Variants in FBF1 observed in about 807,000 individuals in gnomAD.
FBF1 encodes fas-binding factor 1.
A neutral mutation model predicts 147.2 loss-of-function variants in FBF1; 119 were observed. The observed-to-expected ratio is 0.81, with a 90% CI of 0.70 to 0.94. The LOEUF (loss-of-function observed/expected upper bound fraction) is 0.94. FBF1 is among the 40% of genes least tolerant of loss of function. The pLI is 0.00. For synonymous variants in FBF1, 601 were observed against 609.0 expected (o/e 0.99, Z 0.19); for missense variants, 1,449 against 1,500.8 (o/e 0.97, Z 0.57).
chr17:75,924,385 G>T (rs927098043), intron 13 of FBF1, among the ~76,000 whole-genome samples: 1 of 152,196 alleles, frequency 6.6e-6, no homozygotes, highest in Non-Finnish European at 1.5e-5. Flanking sequence ...TATTCAGATA[G>T]AAAGAGGATG....
intron 28 of FBF1, 134 bp downstream of exon 28, chr17:75,913,568 G>A (rs1196381027): frequency 3.4e-6 from 2 of 590,100 alleles, no homozygotes; most frequent in African/African-American, 3.8e-5. Context: ...CATTATTTGT[G>A]TAAAAAAGAA....
At chr17:75,915,238 C>T in intron 23 of FBF1, 99 bp from the exon 24 acceptor site, 1 of 1,453,794 alleles carries the variant, frequency 6.9e-7, no homozygotes, top group East Asian at 2.5e-5. Flanking sequence ...GTGTCTCCCA[C>T]ACTATGCCAC....
In FBF1 at chr17:75,923,563, G is replaced by T; in HGVS notation, c.1047C>A (p.Pro349=). 1 of 1,609,834 alleles carries T rather than the reference G, an allele frequency of 6.2e-7. No homozygotes were observed. Among genetic ancestry groups the T allele is most frequent in the African/African-American group, 1.3e-5 (1 of 75,012 alleles). The change falls in exon 14 of 30, where the codon CCC becomes CCA. Residue 349 remains proline (P), a synonymous_variant. Transcript: ENST00000636174. This position sits in a 1 kb window ranked among gnomAD's most constrained non-coding sequence, Gnocchi z 4.1. ...SKQSPPMASS[P]IQPRKGGADW... ...CAGCTCCTCCCTTCCTGGGCTGGAT[G>T]GGGCTGGAAGCCATTGGAGGGCTCT... is the stretch of plus-strand genomic sequence containing the variant.
chr17:75,909,740 A>G lies in FBF1; in HGVS notation c.*983T>C. 1 of 605,316 alleles carries G rather than the reference A, an allele frequency of 1.7e-6. No homozygotes were observed. Among genetic ancestry groups the G allele is most frequent in the Non-Finnish European group, 3.0e-6 (1 of 336,260 alleles). 37.5% of individuals were successfully genotyped at this position (605,316 alleles called of 1,614,324 possible). A position where few individuals can be genotyped will look rare whatever the true frequency, so the allele number is the denominator to read the frequency against. On this transcript the variant is annotated 3_prime_UTR_variant, in exon 30 of 30. Coordinates refer to ENST00000636174, the MANE Select transcript of FBF1 (RefSeq NM_001319193.2). ...TGGCCAGAGGCGCCTGGTCCTGACC[A>G]ATCTTATAGGCTGATCTTTTAATAA...
At chr17:75,926,567 T>G in intron 10 of FBF1, 141 bp from the exon 11 acceptor site, 1 of 1,370,902 alleles carries the variant, frequency 7.3e-7, no homozygotes, top group South Asian at 1.5e-5. Flanking sequence ...CGGGACCCAA[T>G]TCCTCCAGCC....
intron 1 of FBF1, among the ~76,000 whole-genome samples, 181 bp from the exon 2 acceptor site, chr17:75,938,413 G>C (rs1232924627): frequency 6.6e-6 from 1 of 151,762 alleles, no homozygotes; most frequent in African/African-American, 2.4e-5. Flanking sequence ...ACAAAAATTA[G>C]CTGGGTGTGG....
intron 3 of FBF1, 108 bp from the exon 4 acceptor site, chr17:75,935,781 G>C: frequency 9.7e-7 from 1 of 1,032,592 alleles, no homozygotes; most frequent in Non-Finnish European, 1.4e-6. Flanking sequence ...CAGATGTTGG[G>C]ACTTAGGCTT....
chr17:75,916,463 A>T (rs968771984), intron 23 of FBF1, among the ~76,000 whole-genome samples: 13 of 152,180 alleles, frequency 8.5e-5, no homozygotes, highest in African/African-American at 2.4e-4. Context: ...TCAGTAAAAA[A>T]TACACAATTA....
rs1343749934 is a variant in FBF1 at position 75,919,420 on chromosome 17, G to A, written c.2138+248C>T. ...TTAGTTAGACCCTAGGCGGCTTGCT[G>A]CTGCCATGCCATGCCTGAACAGCCT... On this transcript the variant is annotated intron_variant, in intron 20 of 29. Coordinates refer to ENST00000636174, the MANE Select transcript of FBF1 (RefSeq NM_001319193.2). The surrounding 1 kb of genome is among the most constrained non-coding windows in gnomAD (Gnocchi z 5.0). 5.9e-5 allele frequency among the ~76,000 whole-genome samples: 9 copies of A among 152,314 alleles called. No individual in the cohort carries two copies. The highest frequency in any genetic ancestry group is 1.9e-4 in the African/African-American group (8 of 41,578).
At chr17:75,929,416 A>T (rs921056274) in intron 7 of FBF1, among the ~76,000 whole-genome samples, 1 of 152,124 alleles carries the variant, frequency 6.6e-6, no homozygotes, top group African/African-American at 2.4e-5. Flanking sequence ...TGTCCTAGGG[A>T]CTGTGGCAAA....
rs758540217 is a variant in FBF1, at chr17:75,912,251, C to G, written c.3304G>C (p.Asp1102His). 6.2e-7 allele frequency: 1 copy of G among 1,611,052 alleles called. No homozygotes were observed. The highest frequency in any genetic ancestry group is 2.2e-5 in the East Asian group (1 of 44,806). The change falls in exon 29 of 30, where the codon GAC (aspartate) becomes CAC (histidine). Residue 1102 changes from aspartate (D) to histidine (H), a missense_variant. Transcript: ENST00000636174. The stretch of plus-strand genomic sequence containing the variant: ...GCATGGAGGTGCAAGGGGCTGGGGT[C>G]CAGGCCAGTTGGCGGCTGGCTGCAC... ...RWCSQPPTGL[D>H]PSPLHLHARL...
At position 75,925,394 on chromosome 17, in the gene FBF1, G is replaced by A; in HGVS notation, c.921C>T (p.Pro307=). 1 of 1,613,646 alleles carries A rather than the reference G, an allele frequency of 6.2e-7. No individual in the cohort carries two copies. Among genetic ancestry groups the A allele is most frequent in the Non-Finnish European group, 8.5e-7 (1 of 1,179,830 alleles). ...DEDFTFGAYQ[P]TVVSSEGRQS... is the part of the protein sequence containing the mutation. ...GCCGGCCCTCAGAGGAGACCACAGT[G>A]GGCTGATAGGCTCCAAAGGTGAAGT... The change falls in exon 13 of 30, where the codon CCC becomes CCT. Residue 307 remains proline, a synonymous_variant. Coordinates refer to ENST00000636174, the MANE Select transcript of FBF1 (RefSeq NM_001319193.2). The surrounding 1 kb of genome is among the most constrained non-coding windows in gnomAD (Gnocchi z 5.0).
Position 75,915,129 on chromosome 17 carries a change from C to A in FBF1, c.2516G>T (p.Arg839Leu), listed in dbSNP as rs754215900. Residue 839 changes from arginine (R) to leucine (L), a missense_variant, in exon 24 of 30, where the codon CGG (arginine) becomes CTG (leucine). Arg to Leu is a moderately radical substitution (Grantham distance 102). Coordinates refer to ENST00000636174, the MANE Select transcript of FBF1 (RefSeq NM_001319193.2). ...QSRLLEQERW[R>L]VTAEQSKAES... ...CGCCTTGGACTGCTCGGCAGTCACC[C>A]GCCAGCGTTCCTGTAGGGCCCAGGG... is the stretch of plus-strand genomic sequence containing the variant. 6.2e-7 allele frequency: 1 copy of A among 1,609,794 alleles called. No individual in the cohort carries two copies. Among genetic ancestry groups the A allele is most frequent in the East Asian group, 2.2e-5 (1 of 44,848 alleles).
At chr17:75,940,798 A>C (rs2065659207) in intron 1 of FBF1, 50 bp downstream of exon 1, 1 of 153,780 alleles carries the variant, frequency 6.5e-6, no homozygotes, top group African/African-American at 2.4e-5. Context: ...CAAGACCCCT[A>C]GCCGGAGTCG....
At position 75,914,931 on chromosome 17, in the gene FBF1, C is replaced by CTCTGGGAT. The variant is rs1567857749; in HGVS notation, c.2629-7_2629dup (p.Ser877AsnfsTer37). 2 of 1,611,586 alleles carry CTCTGGGAT rather than the reference C, an allele frequency of 1.2e-6. No homozygotes were observed. Among genetic ancestry groups the CTCTGGGAT allele is most frequent in the Non-Finnish European group, 1.7e-6 (2 of 1,178,842 alleles). On this transcript the variant is annotated frameshift_variant and splice_region_variant, in exon 25 of 30. Coordinates refer to ENST00000636174, the MANE Select transcript of FBF1 (RefSeq NM_001319193.2). LOFTEE classifies it high-confidence loss of function. Reference sequence around the variant, plus strand: ...AGACTTCTGCTCCTCCAGCAAGGCGCTCTGGGATGTGGGGGTGAAGGCACG... The same window carrying CTCTGGGAT: ...AGACTTCTGCTCCTCCAGCAAGGCGCTCTGGGATTCTGGGATGTGGGGGTGAAGGCACG...
Position 75,915,016 on chromosome 17 carries a change from C to G in FBF1, c.2628+1G>C, listed in dbSNP as rs1456587195. The G allele has an allele frequency of 6.2e-7, 1 of 1,613,334 alleles. No homozygotes were observed. The highest frequency in any genetic ancestry group is 2.2e-5 in the East Asian group (1 of 44,876). On this transcript the variant is annotated splice_donor_variant, in intron 24 of 29. Transcript: ENST00000636174. LOFTEE classifies it high-confidence loss of function. ...GGGCTGAGTGCGGTGGCTTGACTCACCTTGGCCCGTTCCAGCTCCGCCCTT... is the reference window on the plus strand; with the variant it reads ...GGGCTGAGTGCGGTGGCTTGACTCAGCTTGGCCCGTTCCAGCTCCGCCCTT...
Position 75,935,693 on chromosome 17 carries a change from G to C in FBF1, c.32-20C>G, listed in dbSNP as rs1424435411. The C allele has an allele frequency of 1.3e-6, 2 of 1,536,074 alleles. 1 individual carries two copies. Among genetic ancestry groups the C allele is most frequent in the South Asian group, 2.4e-5 (2 of 83,918 alleles). Reference sequence around the variant, plus strand: ...TGGAGCCTGGAACAGAAAAGGGACTGTCATGACTTCAGGAGGAAAGAAGAG... The same window carrying C: ...TGGAGCCTGGAACAGAAAAGGGACTCTCATGACTTCAGGAGGAAAGAAGAG... On this transcript the variant is annotated intron_variant, in intron 3 of 29. Coordinates refer to ENST00000636174, the MANE Select transcript of FBF1 (RefSeq NM_001319193.2).
chr17:75,911,894 C>G (rs969829948), intron 29 of FBF1, among the ~76,000 whole-genome samples: 3 of 152,184 alleles, frequency 2.0e-5, no homozygotes, highest in African/African-American at 7.2e-5. Flanking sequence ...TCAAGTGATC[C>G]TCCTGCTTCA....
In FBF1 at chr17:75,928,044, C is replaced by T; in HGVS notation, c.397+32G>A. On this transcript the variant is annotated intron_variant, in intron 8 of 29. Transcript: ENST00000636174. This position sits in a 1 kb window ranked among gnomAD's most constrained non-coding sequence, Gnocchi z 4.2. ...CCTAGCAGATGCGAGGAGCCGTCTCCCATGCACCTTTCTCACTGGCTACTG... is the reference window on the plus strand; with the variant it reads ...CCTAGCAGATGCGAGGAGCCGTCTCTCATGCACCTTTCTCACTGGCTACTG... The T allele has an allele frequency of 6.4e-6, 10 of 1,565,704 alleles. No homozygotes were observed. The highest frequency in any genetic ancestry group is 8.8e-6 in the Non-Finnish European group (10 of 1,137,824).
Sources: gnomAD v4.1 joint callset for allele counts (sites outside exome capture counted in the v4.1 genomes callset) on GRCh38, gnomAD v4.1.1 for gene constraint, Gnocchi (gnomAD v3.1) non-coding constraint, MANE v1.5 for transcripts, NCBI Gene and HGNC (gene_info 2026-07-23, HGNC 2026-07-21) for gene names.